PLEKHA5: variants seen among roughly 807,000 people sequenced by gnomAD.
PLEKHA5 encodes pleckstrin homology domain containing A5, also known as pleckstrin homology domain-containing family A member 5.
Under a neutral mutation model 181.9 loss-of-function variants are expected in PLEKHA5, and 55 were observed. That is an observed-to-expected ratio of 0.30 (90% CI 0.24 to 0.38). PLEKHA5 has a LOEUF of 0.38. PLEKHA5 is among the 10% of genes least tolerant of loss of function. PLEKHA5 has a pLI of 1.00. For synonymous variants in PLEKHA5, 535 were observed against 529.4 expected, an observed-to-expected ratio of 1.01 and a Z score of -0.15; for missense variants, 1,432 against 1,549.5, an observed-to-expected ratio of 0.92 and a Z score of 1.27.
chr12:19,179,620 G>A (rs971270381), intron 3 of PLEKHA5, among the ~76,000 whole-genome samples: 4 of 152,102 alleles, frequency 2.6e-5, no homozygotes, highest in African/African-American at 9.7e-5. Context: ...AGACTGCACC[G>A]TTGGACTCCA....
intron 12 of PLEKHA5, among the ~76,000 whole-genome samples, chr12:19,283,956 A>T (rs1008075020): frequency 1.3e-5 from 2 of 152,220 alleles, no homozygotes; most frequent in Non-Finnish European, 2.9e-5. Flanking sequence ...TCTCTCAGGA[A>T]CACAGGAGCA....
At chr12:19,373,447 G>A (rs1393962493) in intron 31 of PLEKHA5, 1 of 151,988 alleles carries the variant, frequency 6.6e-6, no homozygotes, top group Non-Finnish European at 1.5e-5. Context: ...GGGAGGCCGA[G>A]GCAGGCAGAT....
intron 3 of PLEKHA5, among the ~76,000 whole-genome samples, chr12:19,143,066 T>C (rs2037885058): frequency 1.3e-5 from 2 of 152,206 alleles, no homozygotes; most frequent in South Asian, 4.1e-4. Flanking sequence ...TTGGCTATTG[T>C]CAGTAATGCT....
intron 3 of PLEKHA5, among the ~76,000 whole-genome samples, chr12:19,178,073 T>C (rs888859547): frequency 1.3e-5 from 2 of 152,188 alleles, no homozygotes; most frequent in Non-Finnish European, 2.9e-5. Flanking sequence ...CCTGGTGTGC[T>C]GTGATTAGGT....
intron 7 of PLEKHA5, among the ~76,000 whole-genome samples, chr12:19,261,580 A>G (rs1015313818): frequency 1.4e-4 from 22 of 152,270 alleles, no homozygotes; most frequent in African/African-American, 5.1e-4. Flanking sequence ...ATACTACAAG[A>G]TACTACAAAG....
intron 22 of PLEKHA5, among the ~76,000 whole-genome samples, chr12:19,344,828 G>A (rs2094197078): frequency 6.6e-6 from 1 of 152,030 alleles, no homozygotes; most frequent in Non-Finnish European, 1.5e-5. Context: ...TGTGAAATCG[G>A]CCAGGCGTGG....
At chr12:19,219,900 AAC>A (rs2058664405) in intron 3 of PLEKHA5, among the ~76,000 whole-genome samples, 1 of 152,166 alleles carries the variant, frequency 6.6e-6, no homozygotes, top group Non-Finnish European at 1.5e-5. Context: ...ACCATAAAAC[AAC>A]AGTTAATACT....
At chr12:19,352,057 C>G (rs1311366554) in intron 25 of PLEKHA5, among the ~76,000 whole-genome samples, 2 of 108,820 alleles carry the variant, frequency 1.8e-5, no homozygotes, top group Non-Finnish European at 3.5e-5. Context: ...GCCTGGGCAA[C>G]AAGAGCGAAA....
chr12:19,349,138 G>C (rs756407879), intron 25 of PLEKHA5, among the ~76,000 whole-genome samples: 16 of 149,438 alleles, frequency 1.1e-4, no homozygotes, highest in Non-Finnish European at 2.4e-4. Context: ...GTGTTGTTGT[G>C]TGTGAGGTCT....
At chr12:19,277,544 T>C (rs183756991) in intron 11 of PLEKHA5, among the ~76,000 whole-genome samples, 589 of 152,310 alleles carry the variant, frequency 3.9e-3, no homozygotes, top group East Asian at 8.3e-3. Context: ...GGGTTAACTG[T>C]TATGCCAGTT....
In PLEKHA5 at chr12:19,300,569, A is replaced by G. The variant is rs552270774; in HGVS notation, c.2037+8872A>G. ...AAGTTTATTCATTCTGCAAAGATTT[A>G]TGGAACTCAGGATGCAAAGATAAGC... On this transcript the variant is annotated intron_variant, in intron 15 of 31. Coordinates refer to ENST00000429027, the MANE Select transcript of PLEKHA5 (RefSeq NM_001256470.2). 2.6e-5 allele frequency among the ~76,000 whole-genome samples: 4 copies of G among 152,330 alleles called. No homozygotes were observed. The South Asian group carries it at 8.3e-4, about 32-fold the overall frequency.
At chr12:19,186,073 T>C (rs1315020586) in intron 3 of PLEKHA5, among the ~76,000 whole-genome samples, 1 of 152,146 alleles carries the variant, frequency 6.6e-6, no homozygotes, top group Non-Finnish European at 1.5e-5. Flanking sequence ...CATAAACCCA[T>C]AGATACAACG....
At chr12:19,276,036 T>G (rs2074414139) in intron 11 of PLEKHA5, among the ~76,000 whole-genome samples, 1 of 152,120 alleles carries the variant, frequency 6.6e-6, no homozygotes, top group South Asian at 2.1e-4. Context: ...ATCTTAAGGA[T>G]TCAGAGTCTA....
intron 31 of PLEKHA5, chr12:19,372,357 T>A (rs1309246429): frequency 6.6e-6 from 1 of 152,108 alleles, no homozygotes; most frequent in Admixed American, 6.6e-5. Flanking sequence ...GAGAAATGCC[T>A]ATTCGCGTCA....
At chr12:19,262,595 ATTG>A (rs1333766050) in intron 7 of PLEKHA5, among the ~76,000 whole-genome samples, 1 of 152,180 alleles carries the variant, frequency 6.6e-6, no homozygotes, top group Non-Finnish European at 1.5e-5. Flanking sequence ...GTAATTTGCT[ATTG>A]TTGTTGCTCA....
chr12:19,316,923 A>C (rs1010369492), intron 16 of PLEKHA5, among the ~76,000 whole-genome samples: 22 of 152,212 alleles, frequency 1.4e-4, no homozygotes, highest in African/African-American at 5.1e-4. Flanking sequence ...TTTAGCTAGA[A>C]ATACAATGGC....
At position 19,173,259 on chromosome 12, in the gene PLEKHA5, A is replaced by G. The variant is rs180685449; in HGVS notation, c.227+40809A>G. ...AGGATGGTCTCGATCTCCTGACCTC[A>G]TGATCCACCCGCCTCGGCCTCCCAA... On this transcript the variant is annotated intron_variant, in intron 3 of 31. Transcript: ENST00000429027. Among the ~76,000 whole-genome samples the G allele has an allele frequency of 2.7e-3, 399 of 150,460 alleles. 3 individuals carry two copies. Among genetic ancestry groups the G allele is most frequent in the Non-Finnish European group, 4.5e-3 (306 of 67,580 alleles).
At chr12:19,174,092 TATC>T (rs2046627581) in intron 3 of PLEKHA5, among the ~76,000 whole-genome samples, 2 of 152,236 alleles carry the variant, frequency 1.3e-5, no homozygotes. Context: ...TTTTTAATAA[TATC>T]ATGAGTAGAA....
intron 3 of PLEKHA5, among the ~76,000 whole-genome samples, chr12:19,168,141 G>C (rs1311520804): frequency 2.0e-5 from 3 of 152,052 alleles, no homozygotes; most frequent in Non-Finnish European, 4.4e-5. Flanking sequence ...TAAAGTCATG[G>C]GTTTTAAATA....
Sources: gnomAD v4.1 joint callset for allele counts (sites outside exome capture counted in the v4.1 genomes callset) on GRCh38, gnomAD v4.1.1 for gene constraint, MANE v1.5 for transcripts, NCBI Gene and HGNC (gene_info 2026-07-23, HGNC 2026-07-21) for gene names.